The following KL variants were observed in gnomAD, a reference collection of about 807,000 sequenced individuals.
The protein encoded by KL is alpha-klotho.
KL carries 62 observed loss-of-function variants against 84.2 expected under a neutral mutation model. That is an observed-to-expected ratio of 0.74 (90% CI 0.60 to 0.91). KL has a LOEUF of 0.91. Ranked by LOEUF, KL falls within the 40% of genes least tolerant of loss-of-function variation. KL has a pLI of 0.00. For missense variants in KL, 1,261 were observed against 1,305.7 expected (o/e 0.97, Z 0.53); for synonymous variants, 528 against 528.0 (o/e 1.00, Z 0.00).
At chr13:33,044,096 G>A (rs1871436218) in intron 1 of KL, among the ~76,000 whole-genome samples, 1 of 152,112 alleles carries the variant, frequency 6.6e-6, no homozygotes, top group East Asian at 1.9e-4. Flanking sequence ...CGTCTTTCCT[G>A]TTGCCACATA....
chr13:33,050,712 A>G (rs904080407), intron 1 of KL, among the ~76,000 whole-genome samples: 2 of 152,224 alleles, frequency 1.3e-5, no homozygotes, highest in Non-Finnish European at 1.5e-5. Context: ...TGTAAAGAGT[A>G]ATCAAATAAG....
intron 1 of KL, among the ~76,000 whole-genome samples, chr13:33,021,838 C>T (rs952006157): frequency 2.0e-5 from 3 of 152,250 alleles, no homozygotes; most frequent in Middle Eastern, 3.4e-3. Context: ...GAGCTGAGAT[C>T]GCACCATTGC....
chr13:33,016,386 G>T (rs989461636), upstream of KL: 2 of 247,562 alleles, frequency 8.1e-6, no homozygotes, highest in South Asian at 1.4e-4. Context: ...GGCGCGGCGG[G>T]GCGCGGGCAT....
rs1160143432 is a variant in KL, at chr13:33,054,080, A to C, written c.1133A>C (p.Gln378Pro). The C allele has an allele frequency of 6.8e-6, 11 of 1,613,798 alleles. No homozygotes were observed. Among genetic ancestry groups the C allele is most frequent in the Non-Finnish European group, 9.3e-6 (11 of 1,179,956 alleles). ...TGCTTTGGACCCACCTTGAGTTTTC[A>C]ACTTTTGGACCCTCACATGAAGTTC... Reference protein sequence around the residue: ...ALCFGPTLSFQLLDPHMKFRQ... With the variant: ...ALCFGPTLSFPLLDPHMKFRQ... Residue 378 changes from glutamine to proline, a missense_variant, in exon 2 of 5, where the codon CAA (glutamine) becomes CCA (proline). Transcript: ENST00000380099.
chr13:33,017,457 C>T (rs1485558571), intron 1 of KL, among the ~76,000 whole-genome samples, 198 bp downstream of exon 1: 1 of 152,184 alleles, frequency 6.6e-6, no homozygotes, highest in Non-Finnish European at 1.5e-5. Flanking sequence ...TTAGTGGGCA[C>T]ACGAGTGAGT....
At chr13:33,054,868 A>G (rs537330609) in intron 2 of KL, among the ~76,000 whole-genome samples, 179 bp from the exon 3 acceptor site, 1 of 152,330 alleles carries the variant, frequency 6.6e-6, no homozygotes, top group South Asian at 2.1e-4. Flanking sequence ...GAGGGCATTT[A>G]TTTGTAGAGT....
intron 1 of KL, among the ~76,000 whole-genome samples, chr13:33,023,377 A>T (rs1485514351): frequency 6.6e-6 from 1 of 152,222 alleles, no homozygotes; most frequent in Admixed American, 6.5e-5. Flanking sequence ...TAATAGTAAT[A>T]ATAGCAAAAT....
intron 1 of KL, among the ~76,000 whole-genome samples, chr13:33,038,303 A>G (rs1257924694): frequency 6.6e-6 from 1 of 152,182 alleles, no homozygotes; most frequent in African/African-American, 2.4e-5. Context: ...TTTTCACAAC[A>G]CGTTGGGTAA....
chr13:33,044,364 T>C (rs1268343004), intron 1 of KL, among the ~76,000 whole-genome samples: 2 of 152,210 alleles, frequency 1.3e-5, no homozygotes, highest in Non-Finnish European at 2.9e-5. Flanking sequence ...AAAAAGTTTA[T>C]TGGGATTCTG....
At chr13:33,033,228 G>A (rs1361416239) in intron 1 of KL, among the ~76,000 whole-genome samples, 1 of 152,148 alleles carries the variant, frequency 6.6e-6, no homozygotes, top group Non-Finnish European at 1.5e-5. Context: ...ACTTATGCGT[G>A]GCTGTTTCCT....
chr13:33,019,127 A>G (rs1274322764), intron 1 of KL, among the ~76,000 whole-genome samples: 1 of 151,758 alleles, frequency 6.6e-6, no homozygotes, highest in African/African-American at 2.4e-5. Context: ...TTGCAAACAA[A>G]CTGTTAGTTG....
At chr13:33,051,895 AT>A (rs1448601529) in intron 1 of KL, among the ~76,000 whole-genome samples, 1 of 152,174 alleles carries the variant, frequency 6.6e-6, no homozygotes, top group Non-Finnish European at 1.5e-5. Flanking sequence ...CAAGAGGTTA[AT>A]TGCTGAGTAC....
chr13:33,018,670 G>C (rs890155678), intron 1 of KL, among the ~76,000 whole-genome samples: 9 of 152,180 alleles, frequency 5.9e-5, no homozygotes, highest in Non-Finnish European at 1.3e-4. Context: ...GCTGGTGATA[G>C]AAAAACTATG....
rs1424677554 is a variant in KL, at chr13:33,063,976, T to C, written c.2829T>C (p.His943=). ...TTGAGCCCAAGGCATCCATGAAACATTACAGGAAAATTATTGACAGCAATG... is the reference window on the plus strand; with the variant it reads ...TTGAGCCCAAGGCATCCATGAAACACTACAGGAAAATTATTGACAGCAATG... ...DQFEPKASMK[H]YRKIIDSNGF... is the part of the protein sequence containing the mutation. The change falls in exon 5 of 5, where the codon CAT becomes CAC. Residue 943 remains histidine (H), a synonymous_variant. Transcript: ENST00000380099. 6.2e-7 allele frequency: 1 copy of C among 1,614,164 alleles called. No homozygotes were observed. The highest frequency in any genetic ancestry group is 1.7e-5 in the Admixed American group (1 of 60,012).
chr13:33,049,322 C>T lies in KL; in HGVS notation c.820-4445C>T, dbSNP rs1002976939. Among the ~76,000 whole-genome samples the T allele has an allele frequency of 5.9e-5, 9 of 152,244 alleles. No homozygotes were observed. The South Asian group carries it at 8.3e-4, about 14-fold the overall frequency. ...TGGTTCTTAGTGCCAGCCTTCATTCCTCTAGATCTGTTTATTGAATACTGG... is the reference window on the plus strand; with the variant it reads ...TGGTTCTTAGTGCCAGCCTTCATTCTTCTAGATCTGTTTATTGAATACTGG... On this transcript the variant is annotated intron_variant, in intron 1 of 4. Transcript: ENST00000380099.
intron 1 of KL, among the ~76,000 whole-genome samples, chr13:33,041,611 A>G (rs533342902): frequency 3.4e-4 from 51 of 152,216 alleles, no homozygotes; most frequent in African/African-American, 1.2e-3. Context: ...ATGAGGAAAT[A>G]GAGGCACAGA....
intron 1 of KL, among the ~76,000 whole-genome samples, chr13:33,030,183 T>C (rs12867024): frequency 0.065 from 9,838 of 152,212 alleles, 374 homozygotes; most frequent in South Asian, 0.11. Flanking sequence ...CATTGCCTAA[T>C]TGGCCTAAAG....
At position 33,061,642 on chromosome 13, in the gene KL, G is replaced by A; in HGVS notation, c.2563G>A (p.Val855Met). ...VAVVPWGLRK[V>M]LNWLKFKYGD... The stretch of plus-strand genomic sequence containing the variant: ...GGTAGTGCCCTGGGGGTTGCGCAAA[G>A]TGCTGAACTGGCTGAAGTTCAAGTA... The change falls in exon 4 of 5, where the codon GTG (valine) becomes ATG (methionine). Residue 855 changes from valine to methionine, a missense_variant. Coordinates refer to ENST00000380099, the MANE Select transcript of KL (RefSeq NM_004795.4). The A allele has an allele frequency of 6.2e-7, 1 of 1,614,200 alleles. No homozygotes were observed. Among genetic ancestry groups the A allele is most frequent in the Non-Finnish European group, 8.5e-7 (1 of 1,180,030 alleles).
At chr13:33,050,580 A>G (rs1871705672) in intron 1 of KL, among the ~76,000 whole-genome samples, 1 of 152,066 alleles carries the variant, frequency 6.6e-6, no homozygotes, top group Non-Finnish European at 1.5e-5. Flanking sequence ...GATATTAGAG[A>G]AGTATGTGTG....
Sources: gnomAD v4.1 joint callset for allele counts (sites outside exome capture counted in the v4.1 genomes callset) on GRCh38, gnomAD v4.1.1 for gene constraint, MANE v1.5 for transcripts, NCBI Gene and HGNC (gene_info 2026-07-23, HGNC 2026-07-21) for gene names.